ZNF292: variants seen among roughly 807,000 people sequenced by gnomAD.
ZNF292 encodes the protein zinc finger protein 292, also known as 16 zinc-finger domain protein.
A neutral mutation model predicts 217.9 loss-of-function variants in ZNF292; 26 were observed. The observed-to-expected ratio is 0.12, with a 90% confidence interval of 0.09 to 0.17. The LOEUF is 0.17. Among genes scored for constraint, ZNF292 ranks in the 10% least tolerant of loss-of-function variants. The pLI is 1.00. For synonymous variants in ZNF292, 1,257 were observed against 1,124.1 expected (o/e 1.12, Z -2.37); for missense variants, 2,904 against 3,175.2 (o/e 0.91, Z 2.05).
intron 1 of ZNF292, among the ~76,000 whole-genome samples, chr6:87,172,552 A>T (rs759066329): frequency 2.0e-5 from 3 of 152,094 alleles, no homozygotes; most frequent in Non-Finnish European, 4.4e-5. Context: ...TAGAAGTACT[A>T]TAGTAGTCAT....
intron 1 of ZNF292, among the ~76,000 whole-genome samples, chr6:87,192,634 C>T (rs1771850920): frequency 6.6e-6 from 1 of 152,142 alleles, no homozygotes; most frequent in Non-Finnish European, 1.5e-5. Flanking sequence ...GATACATCCA[C>T]ACATATAGAC....
chr6:87,179,777 A>G (rs1196441914), intron 1 of ZNF292, among the ~76,000 whole-genome samples: 1 of 152,134 alleles, frequency 6.6e-6, no homozygotes, highest in Non-Finnish European at 1.5e-5. Context: ...TGAGTAATGA[A>G]GTTTTCTAAG....
rs896369367 is a variant in ZNF292 at position 87,265,350 on chromosome 6, C to T, written c.*3549C>T. ...TCCCAGGTTCAAGTGATTCTCCTAC[C>T]TCAGCCACCCAAGTAGGTGCACACC... On this transcript the variant is annotated 3_prime_UTR_variant, in exon 8 of 8. Coordinates refer to ENST00000369577, the MANE Select transcript of ZNF292 (RefSeq NM_015021.3). Among the ~76,000 whole-genome samples, 1 of 152,060 alleles carries T rather than the reference C, an allele frequency of 6.6e-6. No individual in the cohort carries two copies. The highest frequency in any genetic ancestry group is 6.6e-5 in the Admixed American group (1 of 15,258).
Position 87,258,401 on chromosome 6 carries a change from A to G in ZNF292, c.4772A>G (p.Asn1591Ser). The change falls in exon 8 of 8, where the codon AAT becomes AGT. Residue 1591 changes from asparagine to serine, a missense_variant. By Grantham distance (46) the Asn-to-Ser change is conservative. This residue lies in a region of ZNF292 where 622 missense variants were observed against 573.1 expected (regional missense o/e 1.09). Transcript: ENST00000369577. ...GGTTTGTGCTCTAGTTCATTTCCTA[A>G]TTCTGGTGGGCCATCACAAAATTTT... ...ENGLCSSSFP[N>S]SGGPSQNFTS... is the part of the protein sequence containing the mutation. The G allele has an allele frequency of 6.2e-7, 1 of 1,613,642 alleles. No homozygotes were observed. Among genetic ancestry groups the G allele is most frequent in the Non-Finnish European group, 8.5e-7 (1 of 1,179,756 alleles).
In ZNF292 at chr6:87,256,001, C is replaced by T. The variant is rs764924182; in HGVS notation, c.2372C>T (p.Ser791Leu). 12 of 1,606,906 alleles carry T rather than the reference C, an allele frequency of 7.5e-6. No homozygotes were observed. Among genetic ancestry groups the T allele is most frequent in the African/African-American group, 1.3e-5 (1 of 74,928 alleles). ...CMFPKCGRIF[S>L]EAYLLYDHEA... ...TTTCCTAAATGTGGAAGAATTTTTTCGGAAGCTTATTTACTATATGATCAT... is the reference window on the plus strand; with the variant it reads ...TTTCCTAAATGTGGAAGAATTTTTTTGGAAGCTTATTTACTATATGATCAT... The change falls in exon 8 of 8, where the codon TCG becomes TTG. Residue 791 changes from serine (S) to leucine (L), a missense_variant. Ser to Leu is a moderately radical substitution (Grantham distance 145). This residue lies in a region of ZNF292 where 216 missense variants were observed against 308.3 expected (regional missense o/e 0.70). Coordinates refer to ENST00000369577, the MANE Select transcript of ZNF292 (RefSeq NM_015021.3).
At chr6:87,203,526 G>C (rs909092964) in intron 1 of ZNF292, among the ~76,000 whole-genome samples, 1 of 151,686 alleles carries the variant, frequency 6.6e-6, no homozygotes, top group East Asian at 1.9e-4. Flanking sequence ...TATTGCAACC[G>C]TTTCTCTTCC....
At chr6:87,161,810 A>G (rs1048943865) in intron 1 of ZNF292, among the ~76,000 whole-genome samples, 3 of 152,234 alleles carry the variant, frequency 2.0e-5, no homozygotes, top group African/African-American at 4.8e-5. Flanking sequence ...GAAAGGGCAT[A>G]CAATGAAAAC....
chr6:87,185,400 C>T (rs1192916431), intron 1 of ZNF292, among the ~76,000 whole-genome samples: 3 of 152,326 alleles, frequency 2.0e-5, no homozygotes, highest in Middle Eastern at 3.4e-3. Context: ...GCACTGCTTT[C>T]GTTACCGGTG....
At position 87,193,220 on chromosome 6, in the gene ZNF292, T is replaced by C. The variant is rs147133758; in HGVS notation, c.169-22683T>C. On this transcript the variant is annotated intron_variant, in intron 1 of 7. Transcript: ENST00000369577. ...TTAAAGTTTTTGAACACCGACATTATGCCACAAGGGGAAAACGTACCTGAG... is the reference window on the plus strand; with the variant it reads ...TTAAAGTTTTTGAACACCGACATTACGCCACAAGGGGAAAACGTACCTGAG... Among the ~76,000 whole-genome samples, 555 of 152,230 alleles carry C rather than the reference T, an allele frequency of 3.6e-3. 2 individuals carry two copies. Among genetic ancestry groups the C allele is most frequent in the African/African-American group, 0.013 (534 of 41,530 alleles).
At chr6:87,174,406 T>G (rs1322104274) in intron 1 of ZNF292, 1 of 152,222 alleles carries the variant, frequency 6.6e-6, no homozygotes, top group Non-Finnish European at 1.5e-5. Context: ...TCCCCAGTCT[T>G]ACCTGATACC....
intron 5 of ZNF292, among the ~76,000 whole-genome samples, chr6:87,235,813 T>C (rs1773878290): frequency 6.6e-6 from 1 of 152,130 alleles, no homozygotes; most frequent in Non-Finnish European, 1.5e-5. Flanking sequence ...TAAGCAGGGT[T>C]CACTAAGGTT....
In ZNF292 at chr6:87,256,190, C is replaced by G. The variant is rs1217163025; in HGVS notation, c.2561C>G (p.Pro854Arg). The G allele has an allele frequency of 6.2e-7, 1 of 1,613,786 alleles. No homozygotes were observed. Among genetic ancestry groups the G allele is most frequent in the Non-Finnish European group, 8.5e-7 (1 of 1,179,776 alleles). The change falls in exon 8 of 8, where the codon CCT (proline) becomes CGT (arginine). Residue 854 changes from proline to arginine, a missense_variant. Pro to Arg is a moderately radical substitution (Grantham distance 103). Coordinates refer to ENST00000369577, the MANE Select transcript of ZNF292 (RefSeq NM_015021.3). ...AATTCATCTGGAGATTCCATTCAGC[C>G]TTCTGAAGTGAATCAGAACACAGCA... ...QLNSSGDSIQ[P>R]SEVNQNTAEN...
At position 87,255,732 on chromosome 6, in the gene ZNF292, T is replaced by C. The variant is rs1443303729; in HGVS notation, c.2103T>C (p.His701=). The stretch of plus-strand genomic sequence containing the variant: ...AGTACTTTAAAAATTTAATTGCTCA[T>C]GTGAAGGGGCATAAAGATAATGAAG... ...GFKYFKNLIA[H]VKGHKDNEDA... is the part of the protein sequence containing the mutation. The change falls in exon 8 of 8, where the codon CAT becomes CAC. Residue 701 remains histidine (H), a synonymous_variant. Transcript: ENST00000369577. The C allele has an allele frequency of 8.7e-6, 14 of 1,613,580 alleles. No individual in the cohort carries two copies. The highest frequency in any genetic ancestry group is 9.3e-6 in the Non-Finnish European group (11 of 1,179,782).
Position 87,263,933 on chromosome 6 carries a change from C to G in ZNF292, c.*2132C>G, listed in dbSNP as rs1775731554. 1 of 152,046 alleles carries G rather than the reference C, an allele frequency of 6.6e-6. No homozygotes were observed. The highest frequency in any genetic ancestry group is 1.5e-5 in the Non-Finnish European group (1 of 67,974). The allele number at this position is 152,046 out of a possible 1,614,324, so 9.4% of individuals were successfully genotyped here. On this transcript the variant is annotated 3_prime_UTR_variant, in exon 8 of 8. Transcript: ENST00000369577. ...AATGTATTGGGGCTTTTCTTTTGCT[C>G]ATTAGCTTAAGAAAATTTATAACTA...
At chr6:87,161,594 T>G (rs1433775768) in intron 1 of ZNF292, among the ~76,000 whole-genome samples, 2 of 152,172 alleles carry the variant, frequency 1.3e-5, no homozygotes, top group Non-Finnish European at 1.5e-5. Context: ...TTTAAAATTT[T>G]TTGTGGAGAC....
chr6:87,196,912 G>A (rs951894674), intron 1 of ZNF292, among the ~76,000 whole-genome samples: 1 of 152,052 alleles, frequency 6.6e-6, no homozygotes, highest in Non-Finnish European at 1.5e-5. Context: ...AAGCCAACAG[G>A]GAAAACAATA....
intron 4 of ZNF292, among the ~76,000 whole-genome samples, chr6:87,220,481 A>G (rs1057211432): frequency 6.6e-6 from 1 of 152,154 alleles, no homozygotes; most frequent in African/African-American, 2.4e-5. Context: ...CAGAGCCAGG[A>G]ATTAAAATCA....
Position 87,243,622 on chromosome 6 carries a change from C to G in ZNF292, c.878+11C>G, listed in dbSNP as rs1774424313. The G allele has an allele frequency of 1.0e-6, 1 of 971,964 alleles. No individual in the cohort carries two copies. Among genetic ancestry groups the G allele is most frequent in the Admixed American group, 3.9e-5 (1 of 25,338 alleles). The allele number at this position is 971,964 out of a possible 1,614,324, so 60.2% of individuals were successfully genotyped here. On this transcript the variant is annotated intron_variant, in intron 6 of 7. Coordinates refer to ENST00000369577, the MANE Select transcript of ZNF292 (RefSeq NM_015021.3). ...TATGTACTGCGCTTGGTGAGTTGAT[C>G]TTTTTTTTTTTAAAGAAATATTTGT...
chr6:87,201,972 A>G (rs558922413), intron 1 of ZNF292, among the ~76,000 whole-genome samples: 2 of 152,292 alleles, frequency 1.3e-5, no homozygotes, highest in Admixed American at 6.5e-5. Flanking sequence ...CTTAATTTCT[A>G]TAGCTTTGGG....
Sources: allele counts gnomAD v4.1 joint callset (sites outside exome capture counted in the v4.1 genomes callset), GRCh38; gene constraint gnomAD v4.1.1; regional missense constraint gnomAD v4.1.1; transcripts MANE v1.5; gene names NCBI Gene and HGNC (gene_info 2026-07-23, HGNC 2026-07-21).